CLN3: variants seen among roughly 807,000 people sequenced by gnomAD.
CLN3 encodes the protein battenin.
A neutral mutation model predicts 60.7 loss-of-function variants in CLN3; 49 were observed. That is an observed-to-expected ratio of 0.81 (90% CI 0.64 to 1.02). CLN3 has a LOEUF of 1.02. CLN3 is among the 50% of genes least tolerant of loss of function. CLN3 has a pLI of 0.00. For synonymous variants in CLN3, 256 were observed against 245.8 expected, an observed-to-expected ratio of 1.04 and a Z score of -0.39; for missense variants, 516 against 557.4, an observed-to-expected ratio of 0.93 and a Z score of 0.75.
chr16:28,476,417 G>A (rs1373348948), downstream of CLN3: 1 of 151,568 alleles, frequency 6.6e-6, no homozygotes, highest in Non-Finnish European at 1.5e-5. Flanking sequence ...TTGGTGGCAT[G>A]CACTTGCAGT....
At chr16:28,467,638 C>T in the CLN3 span, among the ~76,000 whole-genome samples, 30 of 146,422 alleles carry the variant, frequency 2.0e-4, no homozygotes, top group African/African-American at 4.7e-4. Flanking sequence ...AGTGCAGTGG[C>T]GTGCTCTCGG....
In CLN3 at chr16:28,491,506, T is replaced by C. The variant is rs759668300; in HGVS notation, c.101A>G (p.His34Arg). 6.2e-6 allele frequency: 10 copies of C among 1,613,776 alleles called. No homozygotes were observed. In the African/African-American group the frequency reaches 1.3e-4, roughly 22 times the overall value. Residue 34 changes from histidine to arginine, a missense_variant, in exon 3 of 16, where the codon CAT becomes CGT. Transcript: ENST00000636147. ...CCAGAAGCCCACCGCGTTCTTCCAATGCGCGCCCTGATGGTCCAACAGAGG... is the reference window on the plus strand; with the variant it reads ...CCAGAAGCCCACCGCGTTCTTCCAACGCGCGCCCTGATGGTCCAACAGAGG... ...RLPLLDHQGAHWKNAVGFWLL... is the reference protein window; with the variant it reads ...RLPLLDHQGARWKNAVGFWLL...
chr16:28,482,968 G>A (rs1400170744), intron 10 of CLN3, among the ~76,000 whole-genome samples: 1 of 151,872 alleles, frequency 6.6e-6, no homozygotes, highest in Admixed American at 6.6e-5. Context: ...GCCATGTGTG[G>A]TGGCAGGTGT....
At chr16:28,488,540 T>C (rs1263742780) in intron 5 of CLN3, 51 bp downstream of exon 5, 4 of 1,520,980 alleles carry the variant, frequency 2.6e-6, no homozygotes, top group Admixed American at 3.3e-5. Flanking sequence ...GTGGGGTCTA[T>C]AGACCCAGGG....
At chr16:28,485,890 C>G (rs2141710911) in intron 9 of CLN3, among the ~76,000 whole-genome samples, 1 of 152,200 alleles carries the variant, frequency 6.6e-6, no homozygotes, top group South Asian at 2.1e-4. Flanking sequence ...TAAAAAGTGG[C>G]AGCTCCAGGA....
chr16:28,483,713 CTTTTTTTT>C (rs755660742), intron 10 of CLN3, among the ~76,000 whole-genome samples: 4 of 100,534 alleles, frequency 4.0e-5, no homozygotes, highest in African/African-American at 1.8e-4. Context: ...CCTTTCTTTT[CTTTTTTTT>C]TTTTTTTTTT....
In CLN3 at chr16:28,491,569, G is replaced by T; in HGVS notation, c.47-9C>A. 1 of 1,614,036 alleles carries T rather than the reference G, an allele frequency of 6.2e-7. No individual in the cohort carries two copies. Among genetic ancestry groups the T allele is most frequent in the Non-Finnish European group, 8.5e-7 (1 of 1,180,000 alleles). On this transcript the variant is annotated splice_polypyrimidine_tract_variant and intron_variant, in intron 2 of 15. Coordinates refer to ENST00000636147, the MANE Select transcript of CLN3 (RefSeq NM_001042432.2). ...CGGGACGGTCTCCTCCCCTGGGAGA[G>T]CGAGAAGAGGGCATGACCCCCACCT...
chr16:28,490,701 A>C (rs982043088), intron 3 of CLN3, among the ~76,000 whole-genome samples: 1 of 144,986 alleles, frequency 6.9e-6, no homozygotes, highest in African/African-American at 2.6e-5. Context: ...CGGAGTTTGC[A>C]GTGAGCCGAG....
At chr16:28,478,617 T>TAAAAAAAAA (rs766238150) in intron 14 of CLN3, among the ~76,000 whole-genome samples, 913 of 74,326 alleles carry the variant, frequency 0.012, 123 homozygotes, top group African/African-American at 0.066. Context: ...TCCTGTCTCA[T>TAAAAAAAAA]AAAAAAAAAA....
chr16:28,477,774 G>T lies in CLN3; in HGVS notation c.1160C>A (p.Ala387Glu). 6.2e-7 allele frequency: 1 copy of T among 1,614,216 alleles called. No individual in the cohort carries two copies. Among genetic ancestry groups the T allele is most frequent in the Non-Finnish European group, 8.5e-7 (1 of 1,180,038 alleles). Residue 387 changes from alanine to glutamate, a missense_variant, in exon 15 of 16, where the codon GCA becomes GAA. Coordinates refer to ENST00000636147, the MANE Select transcript of CLN3 (RefSeq NM_001042432.2). The part of the protein sequence containing the change: ...IILYEGLLGG[A>E]AYVNTFHNIA... The stretch of plus-strand genomic sequence containing the variant: ...GTTGTGGAAGGTGTTCACGTAGGCT[G>T]CGCCTCCCAGGAGCCCCTCATACAG...
downstream of CLN3, among the ~76,000 whole-genome samples, chr16:28,469,125 C>G (rs940035715): frequency 8.9e-6 from 1 of 111,870 alleles, no homozygotes; most frequent in Non-Finnish European, 2.2e-5. Context: ...GTTAGAGAAC[C>G]ATACAACAAT....
At chr16:28,480,009 G>A (rs2046060084) in intron 14 of CLN3, among the ~76,000 whole-genome samples, 2 of 152,042 alleles carry the variant, frequency 1.3e-5, no homozygotes, top group Non-Finnish European at 2.9e-5. Context: ...CACCCAGGCT[G>A]GGGTACAGTG....
chr16:28,472,150 C>A (rs557201285), downstream of CLN3, among the ~76,000 whole-genome samples: 1 of 152,200 alleles, frequency 6.6e-6, no homozygotes, highest in Non-Finnish European at 1.5e-5. Flanking sequence ...CAGTGGCCCA[C>A]GCCTGTAATC....
intron 14 of CLN3, 49 bp downstream of exon 14, chr16:28,482,044 GAAGCTGGGAGCC>G (rs986505204): frequency 1.6e-4 from 209 of 1,320,160 alleles, no homozygotes; most frequent in African/African-American, 7.2e-4. Context: ...GGGGTTTGGG[GAAGCTGGGAGCC>G]AAGCTGGGAG....
chr16:28,483,538 C>A (rs1425807602), intron 10 of CLN3, among the ~76,000 whole-genome samples: 3 of 150,438 alleles, frequency 2.0e-5, no homozygotes, highest in African/African-American at 7.3e-5. Context: ...TCTTGTACAG[C>A]TCCACAGATG....
chr16:28,489,427 G>A lies in CLN3; in HGVS notation c.126-41C>T, dbSNP rs142255700. ...CAGGTCTCAACTCCCTCCTCATCCT[G>A]CAGCCATCTGTAGCCTTTGTGCCAA... On this transcript the variant is annotated intron_variant, in intron 3 of 15. Coordinates refer to ENST00000636147, the MANE Select transcript of CLN3 (RefSeq NM_001042432.2). The A allele has an allele frequency of 3.1e-5, 44 of 1,422,224 alleles. No individual in the cohort carries two copies. The East Asian group carries it at 1.0e-3, about 32-fold the overall frequency. The allele number at this position is 1,422,224 out of a possible 1,614,324, so 88.1% of individuals were successfully genotyped here.
Position 28,486,342 on chromosome 16 carries a change from C to G in CLN3, c.677+5G>C. On this transcript the variant is annotated splice_donor_5th_base_variant and intron_variant, in intron 9 of 15. Coordinates refer to ENST00000636147, the MANE Select transcript of CLN3 (RefSeq NM_001042432.2). ...CCCTCTCCCTCCCGGCTCAGGGCAG[C>G]TCACCTGGCCAGCAGCAGGGCAGGG... The G allele has an allele frequency of 6.2e-7, 1 of 1,611,932 alleles. No homozygotes were observed. The highest frequency in any genetic ancestry group is 8.5e-7 in the Non-Finnish European group (1 of 1,179,986).
chr16:28,477,912 G>C, intron 14 of CLN3, 35 bp from the exon 15 acceptor site: 1 of 1,610,814 alleles, frequency 6.2e-7, no homozygotes, highest in Non-Finnish European at 8.5e-7. Flanking sequence ...CCTGGGACCA[G>C]GGCGGGGCAG....
In CLN3 at chr16:28,487,546, G is replaced by C. The variant is rs751293136; in HGVS notation, c.375-5C>G. ...CCACTGACGAGAACCCGGGGGCTGA[G>C]GGGGTGAGAAGGGAAGGGAGGGGGA... On this transcript the variant is annotated splice_region_variant and splice_polypyrimidine_tract_variant and intron_variant, in intron 6 of 15. Transcript: ENST00000636147. The C allele has an allele frequency of 1.2e-5, 20 of 1,613,624 alleles. No homozygotes were observed. Among genetic ancestry groups the C allele is most frequent in the Non-Finnish European group, 1.7e-5 (20 of 1,179,698 alleles).
Sources: gnomAD v4.1 joint callset for allele counts (sites outside exome capture counted in the v4.1 genomes callset) on GRCh38, gnomAD v4.1.1 for gene constraint, MANE v1.5 for transcripts, NCBI Gene and HGNC (gene_info 2026-07-23, HGNC 2026-07-21) for gene names.